CCDC3: variants seen among roughly 807,000 people sequenced by gnomAD.
The protein encoded by CCDC3 is coiled-coil domain-containing protein 3.
In CCDC3, 24 loss-of-function variants were observed where a neutral mutation model predicts 21.4. The observed-to-expected ratio is 1.12, with a 90% CI of 0.81 to 1.58. The LOEUF is 1.58. Ranked by LOEUF, CCDC3 falls within the 40% of genes most tolerant of loss-of-function variation. CCDC3 has a pLI of 0.00. For synonymous variants in CCDC3, 186 were observed against 166.0 expected (o/e 1.12, Z -0.93); for missense variants, 425 against 360.9 (o/e 1.18, Z -1.44).
At chr10:12,898,964 A>C (rs11815727) in intron 2 of CCDC3, among the ~76,000 whole-genome samples, 1,558 of 152,310 alleles carry the variant, frequency 0.01, 19 homozygotes, top group African/African-American at 0.036. Context: ...TGTCATGCGT[A>C]GCAAAAAGGA....
At chr10:12,906,138 T>G (rs1211795277) in intron 2 of CCDC3, among the ~76,000 whole-genome samples, 3 of 152,182 alleles carry the variant, frequency 2.0e-5, no homozygotes, top group Admixed American at 6.5e-5. Flanking sequence ...CCTGAATGAC[T>G]CGACAGGACC....
At chr10:12,937,707 C>T (rs1429340828) in intron 2 of CCDC3, among the ~76,000 whole-genome samples, 1 of 152,200 alleles carries the variant, frequency 6.6e-6, no homozygotes, top group Non-Finnish European at 1.5e-5. Context: ...GTATGTGTGA[C>T]TCAGAATAAG....
intron 5 of CCDC3, among the ~76,000 whole-genome samples, chr10:13,029,043 A>G (rs1836263638): frequency 6.6e-6 from 1 of 152,184 alleles, no homozygotes; most frequent in African/African-American, 2.4e-5. Flanking sequence ...TCGGCCACTA[A>G]ACAGGGTGTG....
intron 2 of CCDC3, 55 bp downstream of exon 2, chr10:12,998,283 C>A (rs1835792798): frequency 6.4e-7 from 1 of 1,554,136 alleles, no homozygotes; most frequent in Non-Finnish European, 8.7e-7. Context: ...AAAATTCACA[C>A]AAGGTGTAGC....
At chr10:13,089,805 A>G (rs959868770) in intron 3 of CCDC3, among the ~76,000 whole-genome samples, 2 of 151,350 alleles carry the variant, frequency 1.3e-5, no homozygotes, top group African/African-American at 4.9e-5. Flanking sequence ...ACTGCACCCA[A>G]TTTGTAGCCT....
At chr10:12,973,528 C>A (rs1244606009) in intron 2 of CCDC3, among the ~76,000 whole-genome samples, 1 of 152,200 alleles carries the variant, frequency 6.6e-6, no homozygotes, top group Admixed American at 6.5e-5. Flanking sequence ...AGGAGCCAAC[C>A]ATGTTCTTCC....
At chr10:12,964,287 G>A (rs769106217) in intron 2 of CCDC3, among the ~76,000 whole-genome samples, 6 of 151,970 alleles carry the variant, frequency 3.9e-5, no homozygotes, top group East Asian at 1.9e-4. Flanking sequence ...CAGGAGAATC[G>A]CTTGAACCCG....
intron 4 of CCDC3, among the ~76,000 whole-genome samples, chr10:13,071,681 A>G (rs1173907896): frequency 6.6e-6 from 1 of 152,126 alleles, no homozygotes; most frequent in African/African-American, 2.4e-5. Flanking sequence ...AGAGGAAAGA[A>G]AGAGGAACGC....
intron 3 of CCDC3, among the ~76,000 whole-genome samples, chr10:13,080,515 A>G (rs1374450828): frequency 2.6e-5 from 4 of 152,250 alleles, no homozygotes; most frequent in African/African-American, 4.8e-5. Context: ...TAAAAGGATT[A>G]TAAGGAGGCA....
At chr10:13,044,433 G>A (rs559288730) in intron 5 of CCDC3, among the ~76,000 whole-genome samples, 11 of 152,284 alleles carry the variant, frequency 7.2e-5, no homozygotes, top group South Asian at 2.1e-4. Context: ...TAAGACCAAT[G>A]TCCAGAATGG....
chr10:13,055,177 A>G (rs1186304798), intron 4 of CCDC3, among the ~76,000 whole-genome samples: 1 of 152,210 alleles, frequency 6.6e-6, no homozygotes, highest in African/African-American at 2.4e-5. Context: ...CTTCCTCCAC[A>G]GGGTACAGGG....
intron 2 of CCDC3, among the ~76,000 whole-genome samples, chr10:12,932,643 C>T (rs1347160543): frequency 6.6e-6 from 1 of 152,118 alleles, no homozygotes; most frequent in African/African-American, 2.4e-5. Context: ...AATCTGTATA[C>T]CTTTGATTTT....
intron 5 of CCDC3, among the ~76,000 whole-genome samples, chr10:13,026,333 A>G (rs1417326101): frequency 6.6e-6 from 1 of 152,238 alleles, no homozygotes; most frequent in African/African-American, 2.4e-5. Flanking sequence ...TCATACCTTA[A>G]TAACCTACAG....
At chr10:13,044,489 T>C (rs1279661474) in intron 5 of CCDC3, among the ~76,000 whole-genome samples, 1 of 152,196 alleles carries the variant, frequency 6.6e-6, no homozygotes, top group Non-Finnish European at 1.5e-5. Flanking sequence ...AGGTCTTACG[T>C]TTAAATCCTT....
At chr10:13,045,829 G>A (rs1476162321) in intron 5 of CCDC3, among the ~76,000 whole-genome samples, 3 of 152,100 alleles carry the variant, frequency 2.0e-5, no homozygotes, top group East Asian at 3.8e-4. Context: ...AGCAGCTCAC[G>A]CCTGTAATCC....
At chr10:13,044,785 T>C (rs1029069810) in intron 5 of CCDC3, among the ~76,000 whole-genome samples, 7 of 152,236 alleles carry the variant, frequency 4.6e-5, no homozygotes, top group Non-Finnish European at 1.5e-5. Context: ...TTTGGTTCCA[T>C]ATAAATTTTA....
At chr10:12,964,179 C>A (rs1216844414) in intron 2 of CCDC3, among the ~76,000 whole-genome samples, 1 of 151,992 alleles carries the variant, frequency 6.6e-6, no homozygotes, top group African/African-American at 2.4e-5. Flanking sequence ...TCGAGACCAG[C>A]CTAACCAACA....
At chr10:13,029,774 G>A (rs1398523627) in intron 5 of CCDC3, among the ~76,000 whole-genome samples, 1 of 152,160 alleles carries the variant, frequency 6.6e-6, no homozygotes, top group Non-Finnish European at 1.5e-5. Flanking sequence ...AACGAAGCGA[G>A]AAGAGAAGTT....
chr10:13,040,966 T>C (rs1441339275), intron 5 of CCDC3, among the ~76,000 whole-genome samples: 3 of 152,242 alleles, frequency 2.0e-5, no homozygotes, highest in Admixed American at 2.0e-4. Flanking sequence ...TCTTGTTTTT[T>C]AGAAATTTCA....
Sources: allele counts gnomAD v4.1 joint callset (sites outside exome capture counted in the v4.1 genomes callset), GRCh38; gene constraint gnomAD v4.1.1; transcripts MANE v1.5; gene names NCBI Gene and HGNC (gene_info 2026-07-23, HGNC 2026-07-21).